The following PDCD2 variants were observed in gnomAD, a reference collection of about 807,000 sequenced individuals.
PDCD2 encodes programmed cell death 2, also known as uS5 assembly chaperone PDCD2.
A neutral mutation model predicts 38.1 loss-of-function variants in PDCD2; 38 were observed. The observed-to-expected ratio is 1.00, with a 90% CI of 0.77 to 1.31. PDCD2 has a LOEUF of 1.31. PDCD2 is among the 50% of genes most tolerant of loss of function. The pLI is 0.00. For missense variants in PDCD2, 473 were observed against 435.7 expected (o/e 1.09, Z -0.76); for synonymous variants, 205 against 168.9 (o/e 1.21, Z -1.66).
chr6:170,578,577 G>C, intron 5 of PDCD2: 1 of 700,856 alleles, frequency 1.4e-6, no homozygotes, highest in Middle Eastern at 2.3e-4. Context: ...TAATAATAAT[G>C]ACATAACCAC....
chr6:170,578,978 C>G lies in PDCD2; in HGVS notation c.763-8G>C, dbSNP rs1779521989. On this transcript the variant is annotated splice_polypyrimidine_tract_variant and splice_region_variant and intron_variant, in intron 4 of 5. Transcript: ENST00000541970. ...TCTGCCATATCTAAGAATCTAAAAT[C>G]AATGAAGATCATGTTCAAATAATCA... The G allele has an allele frequency of 6.7e-7, 1 of 1,485,900 alleles. No individual in the cohort carries two copies. Among genetic ancestry groups the G allele is most frequent in the African/African-American group, 1.4e-5 (1 of 70,724 alleles). The allele number at this position is 1,485,900 out of a possible 1,614,324, so 92.0% of individuals were successfully genotyped here. A position where few individuals can be genotyped will look rare whatever the true frequency, so the allele number is the denominator to read the frequency against.
At chr6:170,582,419 A>C in intron 3 of PDCD2, 7 of 1,457,560 alleles carry the variant, frequency 4.8e-6, no homozygotes, top group Non-Finnish European at 6.3e-6. Context: ...CAAGGCTCAA[A>C]TTGTAAAATT....
intron 1 of PDCD2, chr6:170,584,000 G>A (rs1779719130): frequency 1.8e-6 from 1 of 549,458 alleles, no homozygotes; most frequent in African/African-American, 1.9e-5. Flanking sequence ...ATACGAAAAA[G>A]CTACTGGGAT....
intron 3 of PDCD2, chr6:170,582,784 G>A: frequency 7.8e-7 from 1 of 1,288,268 alleles, no homozygotes; most frequent in Non-Finnish European, 9.8e-7. Flanking sequence ...GCGACCCAGA[G>A]GAACTTACCA....
chr6:170,581,656 C>G (rs536612097), intron 3 of PDCD2: 2 of 158,564 alleles, frequency 1.3e-5, no homozygotes, highest in Admixed American at 1.2e-4. Flanking sequence ...CTCCTACGCC[C>G]AACATCTCAG....
Position 170,584,280 on chromosome 6 carries a change from AC to A in PDCD2, c.283+18del. On this transcript the variant is annotated intron_variant, in intron 1 of 5. Coordinates refer to ENST00000541970, the MANE Select transcript of PDCD2 (RefSeq NM_002598.4). ...GCGTCGGAGGCATGGCCCCGTCCCG[AC>A]CCCGTTTGGCGGCTCACCTCGCAGG... 9 of 1,404,050 alleles carry A rather than the reference AC, an allele frequency of 6.4e-6. No individual in the cohort carries two copies. Among genetic ancestry groups the A allele is most frequent in the South Asian group, 1.6e-5 (1 of 60,940 alleles). The allele number at this position is 1,404,050 out of a possible 1,614,324, so 87.0% of individuals were successfully genotyped here.
rs1374370544 is a variant in PDCD2, at chr6:170,577,524, A to G, written c.*35T>C. 1.3e-6 allele frequency: 2 copies of G among 1,571,888 alleles called. No individual in the cohort carries two copies. Among genetic ancestry groups the G allele is most frequent in the Non-Finnish European group, 1.7e-6 (2 of 1,144,500 alleles). Reference sequence around the variant, plus strand: ...CAGAAATGGAATTGCAAGGTATAAAAGATTATTAACATTTTTCAAGGCTTT... The same window carrying G: ...CAGAAATGGAATTGCAAGGTATAAAGGATTATTAACATTTTTCAAGGCTTT... On this transcript the variant is annotated 3_prime_UTR_variant, in exon 6 of 6. Transcript: ENST00000541970.
intron 1 of PDCD2, 146 bp from the exon 2 acceptor site, chr6:170,583,893 A>G (rs905406023): frequency 4.3e-5 from 31 of 724,958 alleles, no homozygotes; most frequent in Non-Finnish European, 6.6e-5. Context: ...AAATCCAGAA[A>G]CTAGATTTCG....
In PDCD2 at chr6:170,583,664, A is replaced by G. The variant is rs1049488537; in HGVS notation, c.367T>C (p.Ser123Pro). ...SENPPPETGE[S>P]VCLQLKSGAH... The stretch of plus-strand genomic sequence containing the variant: ...CCAGACTTAAGCTGGAGACACACTG[A>G]TTCTCCTGTTTCTGGGGGAGGATTC... Residue 123 changes from serine (S) to proline (P), a missense_variant, in exon 2 of 6, where the codon TCA (serine) becomes CCA (proline). By Grantham distance (74) the Ser-to-Pro change is moderately conservative (BLOSUM62 -1). Transcript: ENST00000541970. 1 of 1,614,044 alleles carries G rather than the reference A, an allele frequency of 6.2e-7. No individual in the cohort carries two copies.
At chr6:170,577,847 T>C (rs897810812) in intron 5 of PDCD2, 130 bp from the exon 6 acceptor site, 10 of 751,500 alleles carry the variant, frequency 1.3e-5, no homozygotes, top group East Asian at 2.7e-5. Flanking sequence ...ATAGACATTA[T>C]ACAATTAACA....
chr6:170,580,861 G>A lies in PDCD2; in HGVS notation c.659-756C>T, dbSNP rs564937963. Among the ~76,000 whole-genome samples, 6 of 152,144 alleles carry A rather than the reference G, an allele frequency of 3.9e-5. No homozygotes were observed. In the East Asian group the frequency reaches 9.6e-4, roughly 24 times the overall value. ...TTAAAATAGAACTGATATACCTTGG[G>A]TCAGAGAAGCTAAAATAACTGCTTT... On this transcript the variant is annotated intron_variant, in intron 3 of 5. Coordinates refer to ENST00000541970, the MANE Select transcript of PDCD2 (RefSeq NM_002598.4).
chr6:170,579,226 A>G (rs1315493249), intron 4 of PDCD2: 4 of 436,350 alleles, frequency 9.2e-6, no homozygotes, highest in Non-Finnish European at 1.2e-5. Flanking sequence ...TTTACTACCT[A>G]ATGTTGGCAA....
At chr6:170,583,419 A>G in intron 2 of PDCD2, 86 bp downstream of exon 2, 1 of 1,458,048 alleles carries the variant, frequency 6.9e-7, no homozygotes, top group Non-Finnish European at 9.2e-7. Flanking sequence ...TACCTTTCCT[A>G]ATTTTACCTT....
intron 5 of PDCD2, 103 bp downstream of exon 5, chr6:170,578,754 C>T (rs1283383936): frequency 1.3e-6 from 1 of 784,458 alleles, no homozygotes; most frequent in Non-Finnish European, 2.3e-6. Context: ...CCCTTCCATA[C>T]TGCCATGTTG....
In PDCD2 at chr6:170,575,691, T is replaced by C. The variant is rs1779435505; in HGVS notation, c.*1868A>G. The C allele has an allele frequency of 6.6e-6, 1 of 152,240 alleles. No individual in the cohort carries two copies. Among genetic ancestry groups the C allele is most frequent in the Non-Finnish European group, 1.5e-5 (1 of 68,040 alleles). The allele number at this position is 152,240 out of a possible 1,614,324, so 9.4% of individuals were successfully genotyped here. On this transcript the variant is annotated 3_prime_UTR_variant, in exon 6 of 6. Transcript: ENST00000541970. Reference sequence around the variant, plus strand: ...AGTCGGTGCTGTGAGATTTTCTTTCTGGTGATTTGGACCAGTTTGTCTCCC... The same window carrying C: ...AGTCGGTGCTGTGAGATTTTCTTTCCGGTGATTTGGACCAGTTTGTCTCCC...
In PDCD2 at chr6:170,577,680, C is replaced by T. The variant is rs140493653; in HGVS notation, c.914G>A (p.Arg305Lys). ...PQLLNYLKAD[R>K]LGKSIDWGIL... ...GCCCCAGTCAATGCTCTTGCCCAGTCTGTCAGCCTTCAGGTAGTTTAGGAG... is the reference window on the plus strand; with the variant it reads ...GCCCCAGTCAATGCTCTTGCCCAGTTTGTCAGCCTTCAGGTAGTTTAGGAG... The change falls in exon 6 of 6, where the codon AGA becomes AAA. Residue 305 changes from arginine to lysine, a missense_variant. Physicochemically the swap from Arg to Lys is conservative, Grantham distance 26 (BLOSUM62 2). Coordinates refer to ENST00000541970, the MANE Select transcript of PDCD2 (RefSeq NM_002598.4). 1.1e-5 allele frequency: 18 copies of T among 1,613,402 alleles called. No individual in the cohort carries two copies. Among genetic ancestry groups the T allele is most frequent in the Non-Finnish European group, 1.5e-5 (18 of 1,179,990 alleles).
chr6:170,581,174 T>TAATCAGTTTCAAC (rs1367418592), intron 3 of PDCD2: 2 of 152,186 alleles, frequency 1.3e-5, no homozygotes, highest in African/African-American at 4.8e-5. Flanking sequence ...CACATATCAT[T>TAATCAGTTTCAAC]AATCAGTTTC....
At chr6:170,582,061 T>G (rs1779622241) in intron 3 of PDCD2, 2 of 1,468,286 alleles carry the variant, frequency 1.4e-6, no homozygotes, top group African/African-American at 1.4e-5. Flanking sequence ...ATAAGCATTT[T>G]CATTATGTAT....
In PDCD2 at chr6:170,578,363, A is replaced by C. The variant is rs1779502063; in HGVS notation, c.876+494T>G. The C allele has an allele frequency of 1.5e-5, 7 of 461,106 alleles. No homozygotes were observed. In the South Asian group the frequency reaches 2.2e-4, roughly 14 times the overall value. 28.6% of individuals were successfully genotyped at this position (461,106 alleles called of 1,614,324 possible). On this transcript the variant is annotated intron_variant, in intron 5 of 5. Coordinates refer to ENST00000541970, the MANE Select transcript of PDCD2 (RefSeq NM_002598.4). ...GCTCAAGAGCATTTCCACCCTACCCAAATGGATTTTGATGCTAACAAATCC... is the reference window on the plus strand; with the variant it reads ...GCTCAAGAGCATTTCCACCCTACCCCAATGGATTTTGATGCTAACAAATCC...
Sources: gnomAD v4.1 joint callset for allele counts (sites outside exome capture counted in the v4.1 genomes callset) on GRCh38, gnomAD v4.1.1 for gene constraint, MANE v1.5 for transcripts, NCBI Gene and HGNC (gene_info 2026-07-23, HGNC 2026-07-21) for gene names.